The following TENM4 variants were observed in gnomAD, a reference collection of about 807,000 sequenced individuals.
TENM4 encodes teneurin transmembrane protein 4, also known as teneurin-4.
TENM4 carries 82 observed loss-of-function variants against 243.3 expected under a neutral mutation model. That is an observed-to-expected ratio of 0.34 (90% CI 0.28 to 0.40). The LOEUF (loss-of-function observed/expected upper bound fraction) is 0.40. TENM4 is among the 10% of genes least tolerant of loss of function. The probability of loss-of-function intolerance (pLI) is 1.00; values close to 1 mark genes in which losing one functional copy is unlikely to be tolerated. For missense variants in TENM4, 3,138 were observed against 3,673.3 expected, an observed-to-expected ratio of 0.85 and a Z score of 3.77; for synonymous variants, 1,412 against 1,456.3, an observed-to-expected ratio of 0.97 and a Z score of 0.69.
At chr11:79,064,040 G>T (rs1441182526) in intron 6 of TENM4, among the ~76,000 whole-genome samples, 1 of 151,644 alleles carries the variant, frequency 6.6e-6, no homozygotes, top group Non-Finnish European at 1.5e-5. Flanking sequence ...ATACCCTGTG[G>T]AACGATTAAA....
intron 1 of TENM4, chr11:79,402,162 A>G: frequency 3.1e-6 from 1 of 323,124 alleles, no homozygotes; most frequent in East Asian, 8.4e-5. Flanking sequence ...GGTTTCTGAA[A>G]ACCCCTGGGG....
Position 78,712,421 on chromosome 11 carries a change from T to C in TENM4, c.4054+61A>G, listed in dbSNP as rs1859419438. The C allele has an allele frequency of 2.0e-6, 3 of 1,532,514 alleles. No individual in the cohort carries two copies. In the South Asian group the frequency reaches 3.6e-5, roughly 19 times the overall value. 94.9% of individuals were successfully genotyped at this position (1,532,514 alleles called of 1,614,324 possible). ...TTTGCAATATTAATCATGCATGTTT[T>C]TCTGAAAAGGAAAATACCCCAATAA... On this transcript the variant is annotated intron_variant, in intron 26 of 33. Transcript: ENST00000278550.
intron 7 of TENM4, among the ~76,000 whole-genome samples, chr11:78,893,063 G>T (rs1855704666): frequency 6.6e-6 from 1 of 152,260 alleles, no homozygotes; most frequent in African/African-American, 2.4e-5. Context: ...TGAGTATGCA[G>T]TGGTGGTGGG....
intron 4 of TENM4, among the ~76,000 whole-genome samples, chr11:79,079,223 C>T (rs1048652377): frequency 6.6e-6 from 1 of 152,152 alleles, no homozygotes; most frequent in African/African-American, 2.4e-5. Context: ...CAGATGGTGC[C>T]GCTGTCTACA....
intron 1 of TENM4, among the ~76,000 whole-genome samples, chr11:79,375,320 A>C (rs1857870360): frequency 6.6e-6 from 1 of 152,212 alleles, no homozygotes; most frequent in Admixed American, 6.5e-5. Flanking sequence ...AAAAAGAAAA[A>C]AGTAGGACAA....
intron 6 of TENM4, among the ~76,000 whole-genome samples, chr11:78,909,079 A>C (rs1199829292): frequency 1.3e-5 from 2 of 152,228 alleles, no homozygotes; most frequent in Non-Finnish European, 2.9e-5. Flanking sequence ...TATAATAGTA[A>C]TGGCAATAAA....
chr11:79,371,383 G>A (rs1219464223), intron 1 of TENM4, among the ~76,000 whole-genome samples: 2 of 152,144 alleles, frequency 1.3e-5, no homozygotes, highest in African/African-American at 2.4e-5. Flanking sequence ...GTCACCGGCT[G>A]GGAATGTTGT....
chr11:78,978,341 T>G lies in TENM4; in HGVS notation c.494-74818A>C, dbSNP rs1857712087. Among the ~76,000 whole-genome samples the G allele has an allele frequency of 8.1e-5, 9 of 111,424 alleles. No homozygotes were observed. The Admixed American group carries it at 9.1e-4, about 11-fold the overall frequency. 73.1% of individuals were successfully genotyped at this position (111,424 alleles called of 152,430 possible). ...ACGTTCTACACATGTACCCCAGAAC[T>G]TAAAGTAAGAAAAGAAAAGAAAAGA... is the stretch of plus-strand genomic sequence containing the variant. On this transcript the variant is annotated intron_variant, in intron 6 of 33. Coordinates refer to ENST00000278550, the MANE Select transcript of TENM4 (RefSeq NM_001098816.3).
At chr11:79,310,634 A>C (rs757948450) in intron 1 of TENM4, among the ~76,000 whole-genome samples, 1 of 152,214 alleles carries the variant, frequency 6.6e-6, no homozygotes, top group African/African-American at 2.4e-5. Flanking sequence ...GTTGCCCTGT[A>C]GTTAACAACG....
At chr11:78,888,096 G>A (rs1855584572) in intron 9 of TENM4, among the ~76,000 whole-genome samples, 2 of 152,156 alleles carry the variant, frequency 1.3e-5, no homozygotes, top group African/African-American at 2.4e-5. Context: ...CTATATCAAC[G>A]ATGCACCTCA....
At chr11:79,242,513 A>C (rs1855440459) in intron 2 of TENM4, among the ~76,000 whole-genome samples, 1 of 152,250 alleles carries the variant, frequency 6.6e-6, no homozygotes, top group Non-Finnish European at 1.5e-5. Flanking sequence ...TAACTGTTTT[A>C]CATGGCTGAG....
intron 6 of TENM4, among the ~76,000 whole-genome samples, chr11:78,952,520 C>T (rs1857128139): frequency 6.6e-6 from 1 of 152,150 alleles, no homozygotes; most frequent in Non-Finnish European, 1.5e-5. Flanking sequence ...CTGAAGCGGT[C>T]CAGGAGAAAG....
intron 1 of TENM4, among the ~76,000 whole-genome samples, chr11:79,381,268 C>T: frequency 8.4e-6 from 1 of 119,652 alleles, no homozygotes; most frequent in South Asian, 2.3e-4. Flanking sequence ...TAAACAAGTA[C>T]CCCCTCAGGA....
At chr11:78,868,480 C>T (rs1405483325) in intron 9 of TENM4, among the ~76,000 whole-genome samples, 2 of 152,168 alleles carry the variant, frequency 1.3e-5, no homozygotes, top group Non-Finnish European at 2.9e-5. Flanking sequence ...GGGGGAAGTT[C>T]TGATTCTCTT....
chr11:78,898,926 T>C (rs900443546), intron 7 of TENM4, among the ~76,000 whole-genome samples: 4 of 152,138 alleles, frequency 2.6e-5, no homozygotes, highest in Admixed American at 2.0e-4. Flanking sequence ...TAGTTGAGCA[T>C]TTACTATATG....
At chr11:79,374,651 T>G (rs749708760) in intron 1 of TENM4, among the ~76,000 whole-genome samples, 1 of 151,812 alleles carries the variant, frequency 6.6e-6, no homozygotes, top group African/African-American at 2.4e-5. Context: ...GGTCAAAAAG[T>G]TTTCTAAAAT....
At chr11:79,223,295 CT>C (rs776911814) in intron 2 of TENM4, among the ~76,000 whole-genome samples, 12 of 152,178 alleles carry the variant, frequency 7.9e-5, no homozygotes, top group Non-Finnish European at 1.8e-4. Context: ...AAAAAGCAGC[CT>C]GATGAAGTTT....
chr11:78,957,844 A>C (rs1336044414), intron 6 of TENM4, among the ~76,000 whole-genome samples: 1 of 152,260 alleles, frequency 6.6e-6, no homozygotes, highest in African/African-American at 2.4e-5. Flanking sequence ...GTGAGGTAAA[A>C]GGAATCCAAC....
At chr11:78,801,350 T>G (rs965960598) in intron 15 of TENM4, among the ~76,000 whole-genome samples, 1 of 152,208 alleles carries the variant, frequency 6.6e-6, no homozygotes, top group Admixed American at 6.5e-5. Context: ...CTGGGGCCTA[T>G]GTCCTGTGCT....
Sources: gnomAD v4.1 joint callset for allele counts (sites outside exome capture counted in the v4.1 genomes callset) on GRCh38, gnomAD v4.1.1 for gene constraint, MANE v1.5 for transcripts, NCBI Gene and HGNC (gene_info 2026-07-23, HGNC 2026-07-21) for gene names.